The following NFXL1 variants were observed in gnomAD, a reference collection of about 807,000 sequenced individuals.
NFXL1 encodes the protein NF-X1-type zinc finger protein NFXL1.
NFXL1 carries 66 observed loss-of-function variants against 123.3 expected under a neutral mutation model. The ratio of observed to expected loss-of-function variants is 0.54; its 90% CI spans 0.44 to 0.66. NFXL1 has a LOEUF of 0.66. Ranked by LOEUF, NFXL1 falls within the 30% of genes least tolerant of loss-of-function variation. The probability of loss-of-function intolerance (pLI) is 0.00; values close to 1 mark genes in which losing one functional copy is unlikely to be tolerated. For missense variants in NFXL1, 944 were observed against 1,125.6 expected, an observed-to-expected ratio of 0.84 and a Z score of 2.31; for synonymous variants, 346 against 360.8, an observed-to-expected ratio of 0.96 and a Z score of 0.46.
intron 4 of NFXL1, among the ~76,000 whole-genome samples, chr4:47,904,820 C>A (rs939198665): frequency 6.6e-6 from 1 of 152,208 alleles, no homozygotes; most frequent in African/African-American, 2.4e-5. Context: ...TCCCAAAATG[C>A]CTTTAACACA....
chr4:47,892,985 T>C (rs1578029618), intron 11 of NFXL1, among the ~76,000 whole-genome samples: 1 of 151,904 alleles, frequency 6.6e-6, no homozygotes, highest in African/African-American at 2.4e-5. Context: ...TTCAAGTAGA[T>C]AGAGGAAGCA....
At chr4:47,904,829 C>T (rs748417011) in intron 4 of NFXL1, among the ~76,000 whole-genome samples, 4 of 152,214 alleles carry the variant, frequency 2.6e-5, no homozygotes, top group Non-Finnish European at 4.4e-5. Flanking sequence ...GCCTTTAACA[C>T]AGGATACGCT....
intron 18 of NFXL1, among the ~76,000 whole-genome samples, chr4:47,865,587 A>T (rs1015948589): frequency 6.6e-6 from 1 of 152,146 alleles, no homozygotes; most frequent in African/African-American, 2.4e-5. Context: ...TAAATGAAAA[A>T]CAGAAGAGGA....
chr4:47,881,792 A>G (rs1299871172), intron 15 of NFXL1, among the ~76,000 whole-genome samples: 1 of 152,158 alleles, frequency 6.6e-6, no homozygotes, highest in East Asian at 1.9e-4. Flanking sequence ...AATGCTATAC[A>G]CTGTAAAAGT....
chr4:47,882,685 T>C (rs544197831), intron 15 of NFXL1, among the ~76,000 whole-genome samples: 14 of 151,802 alleles, frequency 9.2e-5, no homozygotes, highest in Non-Finnish European at 1.2e-4. Context: ...TTTCAGACTA[T>C]ATAAGTGGAA....
chr4:47,852,019 T>C (rs1265330077), intron 20 of NFXL1, 77 bp from the exon 21 acceptor site: 3 of 853,122 alleles, frequency 3.5e-6, no homozygotes, highest in Admixed American at 1.8e-5. Flanking sequence ...GCAAAGTTCA[T>C]CTGATAGCTT....
chr4:47,856,528 A>C (rs1252913056), intron 19 of NFXL1, among the ~76,000 whole-genome samples: 1 of 152,094 alleles, frequency 6.6e-6, no homozygotes, highest in South Asian at 2.1e-4. Context: ...AAACATTTAA[A>C]TTCTCTAATT....
chr4:47,887,689 T>A (rs1736522942), intron 12 of NFXL1, among the ~76,000 whole-genome samples: 1 of 152,228 alleles, frequency 6.6e-6, no homozygotes, highest in Non-Finnish European at 1.5e-5. Context: ...CAATTTTTCA[T>A]TCATCTTCAG....
intron 20 of NFXL1, 132 bp from the exon 21 acceptor site, chr4:47,852,074 T>C (rs1395404009): frequency 5.5e-6 from 3 of 547,418 alleles, no homozygotes; most frequent in South Asian, 2.6e-5. Flanking sequence ...AATGATGATA[T>C]AGTTGCAAGC....
intron 10 of NFXL1, 34 bp from the exon 11 acceptor site, chr4:47,894,336 T>C: frequency 1.3e-6 from 2 of 1,510,872 alleles, no homozygotes; most frequent in Non-Finnish European, 1.8e-6. Context: ...TTAAAATTGA[T>C]TTTTGTTAAT....
chr4:47,897,228 C>G (rs967335654), intron 9 of NFXL1, among the ~76,000 whole-genome samples: 1 of 152,174 alleles, frequency 6.6e-6, no homozygotes, highest in Non-Finnish European at 1.5e-5. Flanking sequence ...AGGAGGATCA[C>G]TTGAGCCCAG....
intron 18 of NFXL1, among the ~76,000 whole-genome samples, chr4:47,868,827 T>G (rs958400757): frequency 8.5e-5 from 13 of 152,210 alleles, no homozygotes; most frequent in South Asian, 4.1e-4. Flanking sequence ...AAGGATACCT[T>G]TCAATGCTAA....
rs781033884 is a variant in NFXL1, at chr4:47,851,113, T to C, written c.2544A>G (p.Glu848=). 6.2e-7 allele frequency: 1 copy of C among 1,612,088 alleles called. No individual in the cohort carries two copies. Among genetic ancestry groups the C allele is most frequent in the South Asian group, 1.1e-5 (1 of 91,024 alleles). Residue 848 remains glutamate, a synonymous_variant, in exon 22 of 23, where the codon GAA becomes GAG. Coordinates refer to ENST00000507489, the MANE Select transcript of NFXL1 (RefSeq NM_001278624.2). ...KEAEAKAALE[E]EKRRQQAELE... ...TGGTTACCTGTTGTCTTCGTTTTTC[T>C]TCTTCAAGAGCAGCTTTGGCTTCTG...
At chr4:47,913,277 G>A (rs1323579191) in intron 2 of NFXL1, among the ~76,000 whole-genome samples, 1 of 152,118 alleles carries the variant, frequency 6.6e-6, no homozygotes, top group Non-Finnish European at 1.5e-5. Context: ...AGTCCTCCCT[G>A]GCTCCACGAA....
At chr4:47,887,235 G>A (rs964144077) in intron 12 of NFXL1, among the ~76,000 whole-genome samples, 1 of 152,146 alleles carries the variant, frequency 6.6e-6, no homozygotes, top group Admixed American at 6.6e-5. Context: ...AAAGGAAGAA[G>A]AGTTTTCAAT....
chr4:47,889,712 A>G (rs1736653954), intron 12 of NFXL1, among the ~76,000 whole-genome samples: 1 of 152,340 alleles, frequency 6.6e-6, no homozygotes, highest in East Asian at 1.9e-4. Context: ...TCATATCAAC[A>G]TAATCCAAAT....
Position 47,884,452 on chromosome 4 carries a change from C to T in NFXL1, c.1825-15G>A. 7 of 1,526,378 alleles carry T rather than the reference C, an allele frequency of 4.6e-6. No homozygotes were observed. The highest frequency in any genetic ancestry group is 6.3e-6 in the Non-Finnish European group (7 of 1,111,578). The allele number at this position is 1,526,378 out of a possible 1,614,324, so 94.6% of individuals were successfully genotyped here. On this transcript the variant is annotated splice_polypyrimidine_tract_variant and intron_variant, in intron 14 of 22. Transcript: ENST00000507489. ...GTAGGCTGGTGCTACAAATAAAATA[C>T]ATAAGAATTTTAAGTCAGAGGGATT... is the stretch of plus-strand genomic sequence containing the variant.
Position 47,905,296 on chromosome 4 carries a change from A to C in NFXL1, c.457T>G (p.Phe153Val). Residue 153 changes from phenylalanine (F) to valine (V), a missense_variant, in exon 4 of 23, where the codon TTT becomes GTT. Physicochemically the swap from Phe to Val is conservative, Grantham distance 50 (BLOSUM62 -1). This residue lies in a region of NFXL1 where 303 missense variants were observed against 292.1 expected (regional missense o/e 1.04). Transcript: ENST00000507489. ...ERTKQYVNEA[F>V]QAGAMTCLIC... ...AGGCATGTCATAGCCCCTGCTTGAA[A>C]AGCTTCATTTACATATTGTTTTGTT... The C allele has an allele frequency of 6.2e-7, 1 of 1,604,254 alleles. No homozygotes were observed. The highest frequency in any genetic ancestry group is 8.5e-7 in the Non-Finnish European group (1 of 1,171,762).
At chr4:47,873,126 T>C (rs1735550433) in intron 18 of NFXL1, among the ~76,000 whole-genome samples, 1 of 152,222 alleles carries the variant, frequency 6.6e-6, no homozygotes, top group Non-Finnish European at 1.5e-5. Context: ...AGTTTTATCA[T>C]GAGATTGCAA....
Sources: gnomAD v4.1 joint callset for allele counts (sites outside exome capture counted in the v4.1 genomes callset) on GRCh38, gnomAD v4.1.1 for gene constraint, gnomAD v4.1.1 regional missense constraint, MANE v1.5 for transcripts, NCBI Gene and HGNC (gene_info 2026-07-23, HGNC 2026-07-21) for gene names.